ACTR3C: variants seen among roughly 807,000 people sequenced by gnomAD.
ACTR3C encodes actin related protein 3C.
In ACTR3C, 18 loss-of-function variants were observed where a neutral mutation model predicts 26.3. The observed-to-expected ratio is 0.68, with a 90% confidence interval of 0.47 to 1.01. The LOEUF is 1.01. Among genes scored for constraint, ACTR3C ranks in the 50% least tolerant of loss-of-function variants. ACTR3C has a pLI of 0.00. For synonymous variants in ACTR3C, 55 were observed against 94.5 expected, an observed-to-expected ratio of 0.58 and a Z score of 2.42; for missense variants, 184 against 250.7, an observed-to-expected ratio of 0.73 and a Z score of 1.80.
intron 6 of ACTR3C, among the ~76,000 whole-genome samples, chr7:150,249,652 G>T (rs1210922175): frequency 6.6e-6 from 1 of 151,998 alleles, no homozygotes; most frequent in Non-Finnish European, 1.5e-5. Context: ...ATGGGGTTTC[G>T]CCATGTTGGC....
the ACTR3C span, among the ~76,000 whole-genome samples, chr7:150,207,478 C>T: frequency 5.7e-3 from 867 of 152,074 alleles, 6 homozygotes; most frequent in African/African-American, 0.02. Flanking sequence ...GAAGGAAGCA[C>T]GGATCGATGC....
chr7:150,039,190 G>A, the ACTR3C span, among the ~76,000 whole-genome samples: 9 of 147,718 alleles, frequency 6.1e-5, no homozygotes, highest in Admixed American at 4.7e-4. Flanking sequence ...CCGCCTCGCG[G>A]GGGGTGCCTC....
the ACTR3C span, among the ~76,000 whole-genome samples, chr7:150,039,156 G>A: frequency 4.0e-5 from 6 of 151,386 alleles, no homozygotes; most frequent in Non-Finnish European, 8.8e-5. Flanking sequence ...AGCCGGTGGG[G>A]GAAGAGGGTC....
the ACTR3C span, among the ~76,000 whole-genome samples, chr7:150,160,379 G>A: frequency 6.7e-6 from 1 of 149,230 alleles, no homozygotes; most frequent in African/African-American, 2.5e-5. Context: ...TATTCTTTTT[G>A]CCCCTGCCTT....
the ACTR3C span, chr7:150,045,157 G>C: frequency 6.6e-6 from 1 of 152,166 alleles, no homozygotes; most frequent in Non-Finnish European, 1.5e-5. Context: ...CTTCAGTCTT[G>C]GCAAGTATCT....
At chr7:150,147,626 T>C in the ACTR3C span, among the ~76,000 whole-genome samples, 3 of 152,222 alleles carry the variant, frequency 2.0e-5, no homozygotes, top group Non-Finnish European at 4.4e-5. Context: ...TTTCTGTGAC[T>C]TTTAAGATGC....
At chr7:150,294,557 G>A (rs1340328152) in intron 2 of ACTR3C, among the ~76,000 whole-genome samples, 2 of 152,228 alleles carry the variant, frequency 1.3e-5, no homozygotes, top group African/African-American at 2.4e-5. Context: ...TTTCGACACA[G>A]GAATGCTCAG....
the ACTR3C span, among the ~76,000 whole-genome samples, chr7:150,183,492 G>A: frequency 6.7e-6 from 1 of 149,512 alleles, no homozygotes; most frequent in African/African-American, 2.6e-5. Context: ...CTGGAAGGTA[G>A]GGTATGGACA....
the ACTR3C span, among the ~76,000 whole-genome samples, chr7:149,920,453 C>T: frequency 7.3e-5 from 11 of 151,696 alleles, no homozygotes; most frequent in African/African-American, 2.2e-4. Flanking sequence ...ACCACAGGCA[C>T]GCATCACCAC....
the ACTR3C span, among the ~76,000 whole-genome samples, chr7:150,134,023 C>G: frequency 6.6e-6 from 1 of 152,104 alleles, no homozygotes; most frequent in African/African-American, 2.4e-5. Flanking sequence ...CAGGCATGAG[C>G]CACCACCAAG....
At chr7:150,247,018 A>C (rs1832499718), downstream of ACTR3C, 1 of 151,930 alleles carries the variant, frequency 6.6e-6, no homozygotes, top group South Asian at 2.1e-4. Context: ...CTGGTCTCGA[A>C]CTCCCGACCT....
At chr7:149,901,670 T>TTGACAGAC in the ACTR3C span, among the ~76,000 whole-genome samples, 1 of 152,020 alleles carries the variant, frequency 6.6e-6, no homozygotes, top group Non-Finnish European at 1.5e-5. Flanking sequence ...TGTAATCACT[T>TTGACAGAC]TGACAGACTG....
intron 6 of ACTR3C, among the ~76,000 whole-genome samples, chr7:150,273,936 C>A (rs1269682162): frequency 6.6e-6 from 1 of 152,256 alleles, no homozygotes; most frequent in African/African-American, 2.4e-5. Context: ...ATCTCGTTCA[C>A]CAGGTCAGCA....
rs1180445183 is a variant in ACTR3C, at chr7:150,247,581, A to G, written c.*39-12T>C. On this transcript the variant is annotated splice_polypyrimidine_tract_variant and intron_variant, in intron 7 of 7. Coordinates refer to ENST00000683684, the MANE Select transcript of ACTR3C (RefSeq NM_001164458.2). ...CTGGCCTTGGAAATCTGAAAAACAG[A>G]CACAAAACAGGAAAGGAAAGAAAGC... is the stretch of plus-strand genomic sequence containing the variant. The G allele has an allele frequency of 1.5e-5, 2 of 134,556 alleles. No homozygotes were observed. The highest frequency in any genetic ancestry group is 3.1e-5 in the Non-Finnish European group (2 of 63,606). The allele number at this position is 134,556 out of a possible 1,614,324, so 8.3% of individuals were successfully genotyped here.
At chr7:149,915,213 A>G in the ACTR3C span, among the ~76,000 whole-genome samples, 2 of 152,050 alleles carry the variant, frequency 1.3e-5, no homozygotes, top group African/African-American at 4.8e-5. Context: ...TATACCTTGA[A>G]TAACTAAGGA....
chr7:149,915,327 T>A, the ACTR3C span, among the ~76,000 whole-genome samples: 1 of 151,968 alleles, frequency 6.6e-6, no homozygotes, highest in South Asian at 2.1e-4. Flanking sequence ...TAAGAACATA[T>A]AATGGATGAA....
At chr7:149,888,241 A>G in the ACTR3C span, among the ~76,000 whole-genome samples, 2 of 152,160 alleles carry the variant, frequency 1.3e-5, no homozygotes, top group African/African-American at 4.8e-5. Flanking sequence ...CCCCTGTGTT[A>G]CTTCCAGATT....
the ACTR3C span, among the ~76,000 whole-genome samples, chr7:150,029,410 A>AAAC: frequency 1.0e-5 from 1 of 97,220 alleles, no homozygotes; most frequent in Non-Finnish European, 2.0e-5. Flanking sequence ...AAACAAAAAA[A>AAAC]AAAAAAACAA....
chr7:149,943,279 G>C, the ACTR3C span, among the ~76,000 whole-genome samples: 8 of 149,120 alleles, frequency 5.4e-5, no homozygotes, highest in Non-Finnish European at 1.0e-4. Context: ...GCTGACCCCT[G>C]CTCTGGGGAT....
Sources: allele counts gnomAD v4.1 joint callset (sites outside exome capture counted in the v4.1 genomes callset), GRCh38; gene constraint gnomAD v4.1.1; transcripts MANE v1.5; gene names NCBI Gene and HGNC (gene_info 2026-07-23, HGNC 2026-07-21).